The following ATG16L1 variants were observed in gnomAD, a reference collection of about 807,000 sequenced individuals.
ATG16L1 encodes autophagy-related protein 16-1.
Under a neutral mutation model 88.5 loss-of-function variants are expected in ATG16L1, and 37 were observed. The observed-to-expected ratio is 0.42, with a 90% CI of 0.32 to 0.55. ATG16L1 has a LOEUF of 0.55. Among genes scored for constraint, ATG16L1 ranks in the 20% least tolerant of loss-of-function variants. The pLI is 0.13. For missense variants in ATG16L1, 554 were observed against 752.8 expected, an observed-to-expected ratio of 0.74 and a Z score of 3.09; for synonymous variants, 301 against 281.0, an observed-to-expected ratio of 1.07 and a Z score of -0.71.
intron 10 of ATG16L1, among the ~76,000 whole-genome samples, 196 bp downstream of exon 10, chr2:233,277,869 G>A (rs1325916086): frequency 6.6e-6 from 1 of 152,162 alleles, no homozygotes; most frequent in Non-Finnish European, 1.5e-5. Flanking sequence ...CTTTACTTCC[G>A]AGTGGATGTT....
At chr2:233,258,800 A>G (rs1221440374) in intron 2 of ATG16L1, among the ~76,000 whole-genome samples, 1 of 152,094 alleles carries the variant, frequency 6.6e-6, no homozygotes, top group Non-Finnish European at 1.5e-5. Context: ...GGGCTCAAGC[A>G]ATCCTCCTGC....
At chr2:233,273,143 C>T in intron 7 of ATG16L1, 91 bp downstream of exon 7, 2 of 1,040,552 alleles carry the variant, frequency 1.9e-6, no homozygotes, top group Non-Finnish European at 3.0e-6. Context: ...CAGTCAGATG[C>T]ACCCAACCCC....
Position 233,265,009 on chromosome 2 carries a change from G to C in ATG16L1, c.507G>C (p.Leu169=), listed in dbSNP as rs1379222165. ...CCCTGAAGGATGAATATGATGCCCTGCAGATCACTTTTACTGCCTTGGAGG... is the reference window on the plus strand; with the variant it reads ...CCCTGAAGGATGAATATGATGCCCTCCAGATCACTTTTACTGCCTTGGAGG... The part of the protein sequence containing the change: ...NQTLKDEYDA[L]QITFTALEGK... Residue 169 remains leucine (L), a synonymous_variant, in exon 5 of 18, where the codon CTG becomes CTC. Coordinates refer to ENST00000392017, the MANE Select transcript of ATG16L1 (RefSeq NM_030803.7). 1.2e-6 allele frequency: 2 copies of C among 1,614,086 alleles called. No homozygotes were observed. Among genetic ancestry groups the C allele is most frequent in the African/African-American group, 2.7e-5 (2 of 74,930 alleles).
rs576900482 is a variant in ATG16L1 at position 233,295,138 on chromosome 2, A to G, written c.*788A>G. 5.2e-5 allele frequency: 8 copies of G among 152,670 alleles called. No individual in the cohort carries two copies. Among genetic ancestry groups the G allele is most frequent in the African/African-American group, 1.9e-4 (8 of 41,518 alleles). 9.5% of individuals were successfully genotyped at this position (152,670 alleles called of 1,614,324 possible). A position where few individuals can be genotyped will look rare whatever the true frequency, so the allele number is the denominator to read the frequency against. ...ACTGCATGCTTGGGGGTGCCAAGGG[A>G]TTCGAGACCTCCAACATACTTGTCT... On this transcript the variant is annotated 3_prime_UTR_variant, in exon 18 of 18. Coordinates refer to ENST00000392017, the MANE Select transcript of ATG16L1 (RefSeq NM_030803.7).
chr2:233,281,644 TAAAGATAA>T (rs1263462425), intron 11 of ATG16L1, among the ~76,000 whole-genome samples: 1 of 152,084 alleles, frequency 6.6e-6, no homozygotes, highest in African/African-American at 2.4e-5. Context: ...AAAGCAGATC[TAAAGATAA>T]TCAAAGGTCA....
intron 2 of ATG16L1, among the ~76,000 whole-genome samples, chr2:233,257,683 C>G (rs541208100): frequency 1.3e-5 from 2 of 152,280 alleles, no homozygotes; most frequent in African/African-American, 2.4e-5. Context: ...GCAGTAAGCT[C>G]TTATTTTTCT....
Position 233,273,781 on chromosome 2 carries a change from G to C in ATG16L1, c.851+4G>C, listed in dbSNP as rs558116998. ...ATTCTATCACTAATATCTTTGGGTA[G>C]GTTAGAAGACCTTTCCTTTTTAAAT... On this transcript the variant is annotated splice_donor_region_variant and intron_variant, in intron 8 of 17. Coordinates refer to ENST00000392017, the MANE Select transcript of ATG16L1 (RefSeq NM_030803.7). 3 of 1,613,784 alleles carry C rather than the reference G, an allele frequency of 1.9e-6. No homozygotes were observed. The highest frequency in any genetic ancestry group is 2.5e-6 in the Non-Finnish European group (3 of 1,179,760).
chr2:233,256,209 A>G lies in ATG16L1; in HGVS notation c.209+14A>G. On this transcript the variant is annotated intron_variant, in intron 2 of 17. Coordinates refer to ENST00000392017, the MANE Select transcript of ATG16L1 (RefSeq NM_030803.7). The stretch of plus-strand genomic sequence containing the variant: ...GCACGAGATAAGGTATTTTGAAACT[A>G]ACTTGTATTATTTATGTCTCCTCTA... The G allele has an allele frequency of 6.2e-7, 1 of 1,603,232 alleles. No individual in the cohort carries two copies. Among genetic ancestry groups the G allele is most frequent in the Non-Finnish European group, 8.5e-7 (1 of 1,170,710 alleles).
chr2:233,261,538 G>A (rs575044901), intron 2 of ATG16L1, among the ~76,000 whole-genome samples: 1 of 152,144 alleles, frequency 6.6e-6, no homozygotes, highest in Non-Finnish European at 1.5e-5. Flanking sequence ...GTATTAGTTT[G>A]TGCTTAGCTA....
At position 233,279,197 on chromosome 2, in the gene ATG16L1, A is replaced by G. The variant is rs566946127; in HGVS notation, c.1060+1524A>G. Among the ~76,000 whole-genome samples the G allele has an allele frequency of 2.0e-5, 3 of 152,208 alleles. No homozygotes were observed. In the South Asian group the frequency reaches 6.2e-4, roughly 31 times the overall value. ...TGTGTCTTTTAAAAAAGGAAATTTT[A>G]GGGAATTTGATTTGCAAAATCAAAG... On this transcript the variant is annotated intron_variant, in intron 10 of 17. Coordinates refer to ENST00000392017, the MANE Select transcript of ATG16L1 (RefSeq NM_030803.7).
intron 12 of ATG16L1, among the ~76,000 whole-genome samples, chr2:233,285,141 C>T (rs892912926): frequency 8.5e-5 from 13 of 152,176 alleles, no homozygotes; most frequent in South Asian, 2.1e-4. Context: ...ATGGCCTAGC[C>T]GGTACTCATG....
intron 17 of ATG16L1, 93 bp from the exon 18 acceptor site, chr2:233,294,164 C>A: frequency 3.0e-6 from 3 of 1,006,724 alleles, no homozygotes; most frequent in South Asian, 1.8e-5. Flanking sequence ...AAAATTAGGA[C>A]TCCCTGAATG....
chr2:233,281,358 T>G (rs1442007127), intron 11 of ATG16L1, among the ~76,000 whole-genome samples, 183 bp downstream of exon 11: 1 of 152,198 alleles, frequency 6.6e-6, no homozygotes, highest in Non-Finnish European at 1.5e-5. Context: ...TGATAAACCC[T>G]TGGGTTCTGC....
intron 1 of ATG16L1, among the ~76,000 whole-genome samples, chr2:233,252,473 C>T (rs934491734): frequency 5.3e-5 from 8 of 152,024 alleles, no homozygotes; most frequent in African/African-American, 1.7e-4. Context: ...GTCTCAAACT[C>T]CCAGGATCAA....
In ATG16L1 at chr2:233,272,946, T is replaced by C; in HGVS notation, c.708-20T>C. 1 of 1,599,792 alleles carries C rather than the reference T, an allele frequency of 6.3e-7. No homozygotes were observed. The highest frequency in any genetic ancestry group is 8.6e-7 in the Non-Finnish European group (1 of 1,166,918). On this transcript the variant is annotated intron_variant, in intron 6 of 17. Transcript: ENST00000392017. ...AGAACTGTTCAGGAGAATCAAAGAA[T>C]GTCTTGCCTTTCTTTCCAGGGATGA...
chr2:233,255,656 T>C (rs942908315), intron 1 of ATG16L1, among the ~76,000 whole-genome samples: 1 of 152,230 alleles, frequency 6.6e-6, no homozygotes, highest in Non-Finnish European at 1.5e-5. Flanking sequence ...TTAACTCATA[T>C]ATCACCTCCT....
intron 2 of ATG16L1, among the ~76,000 whole-genome samples, chr2:233,260,061 C>T (rs1036568084): frequency 2.0e-5 from 3 of 152,292 alleles, no homozygotes; most frequent in African/African-American, 7.2e-5. Flanking sequence ...TAAGGGTGTT[C>T]ACAGAAGCTG....
intron 5 of ATG16L1, among the ~76,000 whole-genome samples, chr2:233,267,071 C>G (rs1299815377): frequency 6.6e-6 from 1 of 152,116 alleles, no homozygotes; most frequent in Non-Finnish European, 1.5e-5. Flanking sequence ...TAAGATTGGC[C>G]TGGTGTGGTG....
intron 1 of ATG16L1, among the ~76,000 whole-genome samples, chr2:233,253,087 T>G (rs902117233): frequency 1.3e-5 from 2 of 152,080 alleles, no homozygotes; most frequent in African/African-American, 4.8e-5. Context: ...GTGTGTGTGT[T>G]TGTGTTTGTG....
Sources: gnomAD v4.1 joint callset for allele counts (sites outside exome capture counted in the v4.1 genomes callset) on GRCh38, gnomAD v4.1.1 for gene constraint, MANE v1.5 for transcripts, NCBI Gene and HGNC (gene_info 2026-07-23, HGNC 2026-07-21) for gene names.